Variants in ATP6V1H observed in about 807,000 individuals in gnomAD.
The protein encoded by ATP6V1H is ATPase H+ transporting V1 subunit H, also known as V-type proton ATPase subunit H.
In ATP6V1H, 39 loss-of-function variants were observed where a neutral mutation model predicts 71.7. That is an observed-to-expected ratio of 0.54 (90% CI 0.42 to 0.71). ATP6V1H has a LOEUF of 0.71. ATP6V1H is among the 30% of genes least tolerant of loss of function. The pLI, the probability that ATP6V1H is intolerant of heterozygous loss-of-function variation, is 0.00. For missense variants in ATP6V1H, 509 were observed against 594.9 expected (o/e 0.86, Z 1.50); for synonymous variants, 192 against 199.3 (o/e 0.96, Z 0.31).
At chr8:53,743,719 G>A (rs1317654212) in intron 12 of ATP6V1H, 29 bp from the exon 13 acceptor site, 1 of 1,506,202 alleles carries the variant, frequency 6.6e-7, no homozygotes, top group Non-Finnish European at 9.2e-7. Context: ...TGGTGAGGAA[G>A]ATGCAATTAC....
chr8:53,812,281 C>T (rs1810300876), intron 6 of ATP6V1H, among the ~76,000 whole-genome samples: 1 of 151,986 alleles, frequency 6.6e-6, no homozygotes, highest in Non-Finnish European at 1.5e-5. Context: ...AGGCACTGCA[C>T]AATTTAAAGT....
chr8:53,740,844 A>G (rs1487466509), intron 13 of ATP6V1H, among the ~76,000 whole-genome samples: 1 of 152,202 alleles, frequency 6.6e-6, no homozygotes, highest in Non-Finnish European at 1.5e-5. Context: ...TGGTATTGTA[A>G]TAAATTATTA....
At chr8:53,777,267 A>T (rs1190488620) in intron 9 of ATP6V1H, among the ~76,000 whole-genome samples, 1 of 152,232 alleles carries the variant, frequency 6.6e-6, no homozygotes, top group African/African-American at 2.4e-5. Flanking sequence ...AAATCCAGAC[A>T]CATCAAAGTC....
chr8:53,740,821 T>C (rs994366433), intron 13 of ATP6V1H, among the ~76,000 whole-genome samples: 2 of 152,188 alleles, frequency 1.3e-5, no homozygotes, highest in African/African-American at 4.8e-5. Flanking sequence ...TTCTATTTAG[T>C]CTCAAATTAA....
At chr8:53,769,541 T>G in intron 11 of ATP6V1H, 77 bp downstream of exon 11, 1 of 1,403,838 alleles carries the variant, frequency 7.1e-7, no homozygotes, top group Non-Finnish European at 9.6e-7. Context: ...ATCTAAAATT[T>G]AGAGTGACAA....
intron 5 of ATP6V1H, among the ~76,000 whole-genome samples, chr8:53,815,927 T>C (rs1810434999): frequency 6.6e-6 from 1 of 152,198 alleles, no homozygotes; most frequent in South Asian, 2.1e-4. Flanking sequence ...GAAGTTAACA[T>C]GGATTTGGCT....
chr8:53,801,749 G>C (rs1809916050), intron 8 of ATP6V1H, 50 bp downstream of exon 8: 1 of 1,411,664 alleles, frequency 7.1e-7, no homozygotes, highest in African/African-American at 1.4e-5. Flanking sequence ...AAAATGTCAA[G>C]GAGAGATGCT....
intron 13 of ATP6V1H, among the ~76,000 whole-genome samples, chr8:53,742,778 C>G (rs1439429415): frequency 6.6e-6 from 1 of 152,210 alleles, no homozygotes; most frequent in East Asian, 1.9e-4. Flanking sequence ...ATCACTAACC[C>G]TCTCCTTTGG....
At position 53,743,363 on chromosome 8, in the gene ATP6V1H, T is replaced by C. The variant is rs114776517; in HGVS notation, c.1391+214A>G. On this transcript the variant is annotated intron_variant, in intron 13 of 13. Transcript: ENST00000359530. ...TCTGGAGTCGTTTTTGAAATTATTA[T>C]TTTGAATATACACTCCTTGAGACCT... is the stretch of plus-strand genomic sequence containing the variant. Among the ~76,000 whole-genome samples, 722 of 152,334 alleles carry C rather than the reference T, an allele frequency of 4.7e-3. 7 individuals carry two copies. The highest frequency in any genetic ancestry group is 0.017 in the African/African-American group (687 of 41,570).
intron 4 of ATP6V1H, among the ~76,000 whole-genome samples, chr8:53,821,708 A>G (rs1810669015): frequency 6.6e-6 from 1 of 152,176 alleles, no homozygotes; most frequent in Non-Finnish European, 1.5e-5. Context: ...GAAGAAAAAA[A>G]AATGGTACTC....
intron 13 of ATP6V1H, among the ~76,000 whole-genome samples, chr8:53,741,121 T>G (rs531179564): frequency 3.3e-5 from 5 of 152,192 alleles, no homozygotes; most frequent in Non-Finnish European, 7.3e-5. Flanking sequence ...AGTATTTCCC[T>G]GTAAAGACAG....
intron 13 of ATP6V1H, chr8:53,739,404 G>C (rs1352569426): frequency 3.3e-5 from 5 of 152,074 alleles, no homozygotes; most frequent in Admixed American, 2.6e-4. Context: ...CATACCCTTG[G>C]CCTGGTGAGT....
intron 4 of ATP6V1H, among the ~76,000 whole-genome samples, chr8:53,829,043 C>T (rs1320306158): frequency 2.0e-5 from 3 of 152,174 alleles, no homozygotes; most frequent in African/African-American, 7.2e-5. Flanking sequence ...AACAAAAGCA[C>T]CGAACCTCCA....
intron 12 of ATP6V1H, among the ~76,000 whole-genome samples, chr8:53,747,526 C>CTA (rs1807647761): frequency 7.0e-6 from 1 of 142,094 alleles, no homozygotes; most frequent in African/African-American, 2.6e-5. Context: ...AGAGAAAGCT[C>CTA]TTTTTTTTTT....
At chr8:53,828,802 C>G (rs751141871) in intron 4 of ATP6V1H, among the ~76,000 whole-genome samples, 1 of 152,144 alleles carries the variant, frequency 6.6e-6, no homozygotes, top group Non-Finnish European at 1.5e-5. Flanking sequence ...CAGACTGACT[C>G]TTTCCTTCAA....
At chr8:53,823,193 C>T (rs970281448) in intron 4 of ATP6V1H, among the ~76,000 whole-genome samples, 3 of 152,024 alleles carry the variant, frequency 2.0e-5, no homozygotes, top group Admixed American at 2.0e-4. Flanking sequence ...AGAAAGAATA[C>T]ATCTTCTCAA....
At chr8:53,802,550 A>G (rs190027760) in intron 7 of ATP6V1H, among the ~76,000 whole-genome samples, 4 of 151,734 alleles carry the variant, frequency 2.6e-5, no homozygotes, top group African/African-American at 9.7e-5. Flanking sequence ...GAAACCCCAT[A>G]TCTACTAAAA....
At position 53,775,960 on chromosome 8, in the gene ATP6V1H, A is replaced by C. The variant is rs559454566; in HGVS notation, c.871-3793T>G. 3.9e-5 allele frequency among the ~76,000 whole-genome samples: 6 copies of C among 152,324 alleles called. No individual in the cohort carries two copies. The South Asian group carries it at 1.2e-3, about 32-fold the overall frequency. ...CGCCGTGGAGCAGGGGGCGGTGCTC[A>C]TCAGGGAGGCTCAGGCTGCACAGGA... On this transcript the variant is annotated intron_variant, in intron 9 of 13. Coordinates refer to ENST00000359530, the MANE Select transcript of ATP6V1H (RefSeq NM_015941.4).
chr8:53,773,590 C>T (rs1318322262), intron 9 of ATP6V1H, among the ~76,000 whole-genome samples: 1 of 152,168 alleles, frequency 6.6e-6, no homozygotes, highest in Non-Finnish European at 1.5e-5. Flanking sequence ...CAAAAATAGT[C>T]TTTCTGGCCT....
Sources: allele counts gnomAD v4.1 joint callset (sites outside exome capture counted in the v4.1 genomes callset), GRCh38; gene constraint gnomAD v4.1.1; transcripts MANE v1.5; gene names NCBI Gene and HGNC (gene_info 2026-07-23, HGNC 2026-07-21).